Variants in SLC35D3 observed in about 807,000 individuals in gnomAD.
SLC35D3 encodes solute carrier family 35 member D3, also known as frc, fringe-like 1.
Under a neutral mutation model 20.3 loss-of-function variants are expected in SLC35D3, and 18 were observed. The ratio of observed to expected loss-of-function variants is 0.89; its 90% CI spans 0.61 to 1.32. The LOEUF (loss-of-function observed/expected upper bound fraction) is 1.32. SLC35D3 is among the 40% of genes most tolerant of loss of function. The pLI, the probability that SLC35D3 is intolerant of heterozygous loss-of-function variation, is 0.00. For missense variants in SLC35D3, 556 were observed against 565.5 expected, an observed-to-expected ratio of 0.98 and a Z score of 0.17; for synonymous variants, 313 against 263.5, an observed-to-expected ratio of 1.19 and a Z score of -1.82.
Position 136,922,311 on chromosome 6 carries a change from C to A in SLC35D3, c.-118C>A. 2.2e-6 allele frequency: 2 copies of A among 897,228 alleles called. No homozygotes were observed. The highest frequency in any genetic ancestry group is 2.8e-6 in the Non-Finnish European group (2 of 706,222). The allele number at this position is 897,228 out of a possible 1,614,324, so 55.6% of individuals were successfully genotyped here. ...TGCCCTCTGCAGCCGAGCCGGCGCC[C>A]CCTGCCCTTCGCCGCCGCGCTGGGC... is the stretch of plus-strand genomic sequence containing the variant. On this transcript the variant is annotated 5_prime_UTR_variant, in exon 1 of 2. Coordinates refer to ENST00000331858, the MANE Select transcript of SLC35D3 (RefSeq NM_001008783.3). This position sits in a 1 kb window ranked among gnomAD's most constrained non-coding sequence, Gnocchi z 6.8.
Position 136,924,738 on chromosome 6 carries a change from T to C in SLC35D3, c.*42T>C. 2 of 1,519,184 alleles carry C rather than the reference T, an allele frequency of 1.3e-6. No individual in the cohort carries two copies. Among genetic ancestry groups the C allele is most frequent in the Non-Finnish European group, 1.8e-6 (2 of 1,128,478 alleles). 94.1% of individuals were successfully genotyped at this position (1,519,184 alleles called of 1,614,324 possible). Reference sequence around the variant, plus strand: ...CGTACCTATGTGCATACACTTATTTTATATGTTAGAAATGACGTGTTTTAA... The same window carrying C: ...CGTACCTATGTGCATACACTTATTTCATATGTTAGAAATGACGTGTTTTAA... On this transcript the variant is annotated 3_prime_UTR_variant, in exon 2 of 2. Coordinates refer to ENST00000331858, the MANE Select transcript of SLC35D3 (RefSeq NM_001008783.3).
rs558466578 is a variant in SLC35D3, at chr6:136,924,839, G to C, written c.*143G>C. 34 of 808,826 alleles carry C rather than the reference G, an allele frequency of 4.2e-5. No individual in the cohort carries two copies. In the East Asian group the frequency reaches 8.8e-4, roughly 21 times the overall value. The allele number at this position is 808,826 out of a possible 1,614,324, so 50.1% of individuals were successfully genotyped here. ...AAAGAAGCTGAAAGGTACTGACACA[G>C]AGCAACAAAATTAGCACCTGTGTGA... On this transcript the variant is annotated 3_prime_UTR_variant, in exon 2 of 2. Transcript: ENST00000331858.
In SLC35D3 at chr6:136,925,203, A is replaced by G. The variant is rs1776117340; in HGVS notation, c.*507A>G. ...GATGTTTACTGTTTATAGTCATCTG[A>G]AATATCATATTTACTCTGATTCTAC... is the stretch of plus-strand genomic sequence containing the variant. On this transcript the variant is annotated 3_prime_UTR_variant, in exon 2 of 2. Transcript: ENST00000331858. The G allele has an allele frequency of 6.5e-6, 1 of 153,506 alleles. No individual in the cohort carries two copies. Among genetic ancestry groups the G allele is most frequent in the South Asian group, 2.1e-4 (1 of 4,876 alleles). 9.5% of individuals were successfully genotyped at this position (153,506 alleles called of 1,614,324 possible).
chr6:136,923,781 C>A lies in SLC35D3; in HGVS notation c.440-104C>A. 2 of 1,157,698 alleles carry A rather than the reference C, an allele frequency of 1.7e-6. No individual in the cohort carries two copies. Among genetic ancestry groups the A allele is most frequent in the South Asian group, 1.6e-5 (1 of 62,406 alleles). The allele number at this position is 1,157,698 out of a possible 1,614,324, so 71.7% of individuals were successfully genotyped here. On this transcript the variant is annotated intron_variant, in intron 1 of 1. Transcript: ENST00000331858. This position sits in a 1 kb window ranked among gnomAD's most constrained non-coding sequence, Gnocchi z 6.2. ...CTGGGGCGCGAACCCAGTCTCCTTT[C>A]CTACCCGACGCGTTTTCCCCGTGGG...
In SLC35D3 at chr6:136,924,412, G is replaced by A. The variant is rs1032795911; in HGVS notation, c.967G>A (p.Ala323Thr). Residue 323 changes from alanine (A) to threonine (T), a missense_variant, in exon 2 of 2, where the codon GCG becomes ACG. Coordinates refer to ENST00000331858, the MANE Select transcript of SLC35D3 (RefSeq NM_001008783.3). ...GGAGGCCCAGCCTCGGGGAGAGGAG[G>A]CGCAGCTAAGTGGAGACCAGCTGCC... Reference protein sequence around the residue: ...DLEAQPRGEEAQLSGDQLPFV... With the variant: ...DLEAQPRGEETQLSGDQLPFV... 2 of 1,613,888 alleles carry A rather than the reference G, an allele frequency of 1.2e-6. No individual in the cohort carries two copies. The highest frequency in any genetic ancestry group is 2.7e-5 in the African/African-American group (2 of 74,940).
rs986117011 is a variant in SLC35D3 at position 136,923,586 on chromosome 6, T to A, written c.440-299T>A. On this transcript the variant is annotated intron_variant, in intron 1 of 1. Coordinates refer to ENST00000331858, the MANE Select transcript of SLC35D3 (RefSeq NM_001008783.3). The surrounding 1 kb of genome is among the most constrained non-coding windows in gnomAD (Gnocchi z 6.2). ...GCCAGCTCGGGGAAGCCACAGCACC[T>A]GCCCCGAGGGCATCTGCGCTCTCCG... Among the ~76,000 whole-genome samples the A allele has an allele frequency of 6.0e-4, 92 of 152,192 alleles. No homozygotes were observed. The highest frequency in any genetic ancestry group is 1.9e-4 in the Non-Finnish European group (13 of 68,014).
rs1310806863 is a variant in SLC35D3 at position 136,923,992 on chromosome 6, G to A, written c.547G>A (p.Glu183Lys). Reference sequence around the variant, plus strand: ...CATCCAGAAGGCCAGCGCAGACACCGAGCACGGGCCGCTCACCGCGCAGTA... The same window carrying A: ...CATCCAGAAGGCCAGCGCAGACACCAAGCACGGGCCGCTCACCGCGCAGTA... ...VLIQKASADT[E>K]HGPLTAQYVI... Residue 183 changes from glutamate (E) to lysine (K), a missense_variant, in exon 2 of 2, where the codon GAG becomes AAG. Physicochemically the swap from Glu to Lys is moderately conservative, Grantham distance 56. Coordinates refer to ENST00000331858, the MANE Select transcript of SLC35D3 (RefSeq NM_001008783.3). This position sits in a 1 kb window ranked among gnomAD's most constrained non-coding sequence, Gnocchi z 6.2. 3 of 1,589,672 alleles carry A rather than the reference G, an allele frequency of 1.9e-6. No homozygotes were observed. Among genetic ancestry groups the A allele is most frequent in the Admixed American group, 1.7e-5 (1 of 58,334 alleles).
chr6:136,924,033 T>C lies in SLC35D3; in HGVS notation c.588T>C (p.Ser196=). ...CCGCGCAGTACGTCATCGCCGTCTC[T>C]GCCACCCCGCTGCTGGTCATCTGCT... ...PLTAQYVIAV[S]ATPLLVICSF... is the part of the protein sequence containing the mutation. The change falls in exon 2 of 2, where the codon TCT becomes TCC. Residue 196 remains serine (S), a synonymous_variant. Transcript: ENST00000331858. The C allele has an allele frequency of 6.2e-7, 1 of 1,605,786 alleles. No individual in the cohort carries two copies. Among genetic ancestry groups the C allele is most frequent in the East Asian group, 2.2e-5 (1 of 44,516 alleles).
Position 136,924,112 on chromosome 6 carries a change from C to A in SLC35D3, c.667C>A (p.Pro223Thr), listed in dbSNP as rs200328767. 1.2e-5 allele frequency: 19 copies of A among 1,612,608 alleles called. No individual in the cohort carries two copies. The highest frequency in any genetic ancestry group is 1.4e-5 in the Non-Finnish European group (17 of 1,179,986). ...CTGGACCTTCCCGGGCTGGAAGGAC[C>A]CGGCCATGGTCTGCATCTTCGTGGC... is the stretch of plus-strand genomic sequence containing the variant. ...HAWTFPGWKDPAMVCIFVACI... is the reference protein window; with the variant it reads ...HAWTFPGWKDTAMVCIFVACI... Residue 223 changes from proline (P) to threonine (T), a missense_variant, in exon 2 of 2, where the codon CCG becomes ACG. Coordinates refer to ENST00000331858, the MANE Select transcript of SLC35D3 (RefSeq NM_001008783.3).
At position 136,922,417 on chromosome 6, in the gene SLC35D3, G is replaced by C; in HGVS notation, c.-12G>C. On this transcript the variant is annotated 5_prime_UTR_variant, in exon 1 of 2. Coordinates refer to ENST00000331858, the MANE Select transcript of SLC35D3 (RefSeq NM_001008783.3). This position sits in a 1 kb window ranked among gnomAD's most constrained non-coding sequence, Gnocchi z 6.8. ...GAGCTCCGCCACCGCTGGGTGCGGC[G>C]AGGCCGGCGCGATGCGGCAGCTGTG... 6.6e-7 allele frequency: 1 copy of C among 1,515,136 alleles called. No individual in the cohort carries two copies. 93.9% of individuals were successfully genotyped at this position (1,515,136 alleles called of 1,614,324 possible).
Position 136,923,802 on chromosome 6 carries a change from G to T in SLC35D3, c.440-83G>T, listed in dbSNP as rs963680658. The T allele has an allele frequency of 1.5e-6, 2 of 1,348,428 alleles. No homozygotes were observed. The highest frequency in any genetic ancestry group is 2.5e-5 in the East Asian group (1 of 39,398). 83.5% of individuals were successfully genotyped at this position (1,348,428 alleles called of 1,614,324 possible). A position where few individuals can be genotyped will look rare whatever the true frequency, so the allele number is the denominator to read the frequency against. ...CTTTCCTACCCGACGCGTTTTCCCC[G>T]TGGGTCCCCGCCCACGCCAACCTGC... On this transcript the variant is annotated intron_variant, in intron 1 of 1. Transcript: ENST00000331858. The surrounding 1 kb of genome is among the most constrained non-coding windows in gnomAD (Gnocchi z 6.2).
At position 136,923,017 on chromosome 6, in the gene SLC35D3, A is replaced by G. The variant is rs1162820172; in HGVS notation, c.439+150A>G. The G allele has an allele frequency of 1.1e-6, 1 of 917,980 alleles. No homozygotes were observed. The highest frequency in any genetic ancestry group is 1.6e-6 in the Non-Finnish European group (1 of 634,292). 56.9% of individuals were successfully genotyped at this position (917,980 alleles called of 1,614,324 possible). On this transcript the variant is annotated intron_variant, in intron 1 of 1. Coordinates refer to ENST00000331858, the MANE Select transcript of SLC35D3 (RefSeq NM_001008783.3). This position sits in a 1 kb window ranked among gnomAD's most constrained non-coding sequence, Gnocchi z 6.2. ...CGGAGAGCTTTGAGAGTGGTCGCTC[A>G]GCTCGCAAAAGGGACTTCCGAGACC...
At position 136,923,692 on chromosome 6, in the gene SLC35D3, C is replaced by T. The variant is rs555235329; in HGVS notation, c.440-193C>T. On this transcript the variant is annotated intron_variant, in intron 1 of 1. Coordinates refer to ENST00000331858, the MANE Select transcript of SLC35D3 (RefSeq NM_001008783.3). This position sits in a 1 kb window ranked among gnomAD's most constrained non-coding sequence, Gnocchi z 6.2. Reference sequence around the variant, plus strand: ...CGCTCTGAGCACTGAGTTTGGCTGTCGCATTTGACACGGGTGGCCGAGGGA... The same window carrying T: ...CGCTCTGAGCACTGAGTTTGGCTGTTGCATTTGACACGGGTGGCCGAGGGA... Among the ~76,000 whole-genome samples, 1 of 152,172 alleles carries T rather than the reference C, an allele frequency of 6.6e-6. No homozygotes were observed. The highest frequency in any genetic ancestry group is 1.5e-5 in the Non-Finnish European group (1 of 68,008).
At position 136,924,319 on chromosome 6, in the gene SLC35D3, C is replaced by A; in HGVS notation, c.874C>A (p.Leu292Met). Residue 292 changes from leucine to methionine, a missense_variant, in exon 2 of 2, where the codon CTG becomes ATG. Physicochemically the swap from Leu to Met is conservative, Grantham distance 15. Coordinates refer to ENST00000331858, the MANE Select transcript of SLC35D3 (RefSeq NM_001008783.3). ...LFIAGVVVNT[L>M]GSIIYCVAKF... ...CATTGCCGGCGTGGTGGTGAACACC[C>A]TGGGCTCTATCATTTACTGTGTGGC... The A allele has an allele frequency of 6.2e-7, 1 of 1,614,164 alleles. No homozygotes were observed. Among genetic ancestry groups the A allele is most frequent in the Non-Finnish European group, 8.5e-7 (1 of 1,180,046 alleles).
At position 136,922,925 on chromosome 6, in the gene SLC35D3, A is replaced by T; in HGVS notation, c.439+58A>T. Reference sequence around the variant, plus strand: ...CCCCACCCACCCCGCTCCGTCGGGCAGAGACCGCGGGGATCACTGAGTTCA... The same window carrying T: ...CCCCACCCACCCCGCTCCGTCGGGCTGAGACCGCGGGGATCACTGAGTTCA... On this transcript the variant is annotated intron_variant, in intron 1 of 1. Coordinates refer to ENST00000331858, the MANE Select transcript of SLC35D3 (RefSeq NM_001008783.3). This position sits in a 1 kb window ranked among gnomAD's most constrained non-coding sequence, Gnocchi z 6.8. The T allele has an allele frequency of 6.9e-7, 1 of 1,445,930 alleles. No individual in the cohort carries two copies. Among genetic ancestry groups the T allele is most frequent in the African/African-American group, 1.4e-5 (1 of 69,106 alleles). 89.6% of individuals were successfully genotyped at this position (1,445,930 alleles called of 1,614,324 possible).
At position 136,924,125 on chromosome 6, in the gene SLC35D3, G is replaced by A; in HGVS notation, c.680G>A (p.Cys227Tyr). ...GGCTGGAAGGACCCGGCCATGGTCT[G>A]CATCTTCGTGGCCTGCATCCTGATC... ...FPGWKDPAMV[C>Y]IFVACILIGC... Residue 227 changes from cysteine (C) to tyrosine (Y), a missense_variant, in exon 2 of 2, where the codon TGC becomes TAC. Transcript: ENST00000331858. The A allele has an allele frequency of 6.2e-7, 1 of 1,612,666 alleles. No individual in the cohort carries two copies. The highest frequency in any genetic ancestry group is 8.5e-7 in the Non-Finnish European group (1 of 1,180,014).
Position 136,922,316 on chromosome 6 carries a change from C to A in SLC35D3, c.-113C>A. On this transcript the variant is annotated 5_prime_UTR_variant, in exon 1 of 2. Coordinates refer to ENST00000331858, the MANE Select transcript of SLC35D3 (RefSeq NM_001008783.3). The surrounding 1 kb of genome is among the most constrained non-coding windows in gnomAD (Gnocchi z 6.8). The stretch of plus-strand genomic sequence containing the variant: ...TCTGCAGCCGAGCCGGCGCCCCCTG[C>A]CCTTCGCCGCCGCGCTGGGCGGGCG... 6.3e-6 allele frequency: 6 copies of A among 947,434 alleles called. No individual in the cohort carries two copies. Among genetic ancestry groups the A allele is most frequent in the South Asian group, 5.2e-5 (1 of 19,376 alleles). The allele number at this position is 947,434 out of a possible 1,614,324, so 58.7% of individuals were successfully genotyped here. A position where few individuals can be genotyped will look rare whatever the true frequency, so the allele number is the denominator to read the frequency against.
At position 136,923,722 on chromosome 6, in the gene SLC35D3, G is replaced by A. The variant is rs189273212; in HGVS notation, c.440-163G>A. Among the ~76,000 whole-genome samples, 115 of 152,306 alleles carry A rather than the reference G, an allele frequency of 7.6e-4. No homozygotes were observed. The highest frequency in any genetic ancestry group is 4.1e-3 in the East Asian group (21 of 5,168). On this transcript the variant is annotated intron_variant, in intron 1 of 1. Coordinates refer to ENST00000331858, the MANE Select transcript of SLC35D3 (RefSeq NM_001008783.3). The surrounding 1 kb of genome is among the most constrained non-coding windows in gnomAD (Gnocchi z 6.2). Reference sequence around the variant, plus strand: ...TTGACACGGGTGGCCGAGGGACGGCGGGCGTCTGTCACTCAGGAATCCGGT... The same window carrying A: ...TTGACACGGGTGGCCGAGGGACGGCAGGCGTCTGTCACTCAGGAATCCGGT...
Position 136,922,645 on chromosome 6 carries a change from A to G in SLC35D3, c.217A>G (p.Ser73Gly). The G allele has an allele frequency of 6.2e-7, 1 of 1,609,024 alleles. No homozygotes were observed. The highest frequency in any genetic ancestry group is 8.5e-7 in the Non-Finnish European group (1 of 1,179,284). The change falls in exon 1 of 2, where the codon AGC becomes GGC. Residue 73 changes from serine to glycine, a missense_variant. Physicochemically the swap from Ser to Gly is moderately conservative, Grantham distance 56. Transcript: ENST00000331858. This position sits in a 1 kb window ranked among gnomAD's most constrained non-coding sequence, Gnocchi z 6.8. The stretch of plus-strand genomic sequence containing the variant: ...CATCGCCGTGCCCCCCTTCGGTCTG[A>G]GCCTGGCGCGCTCCTTCGCGGGGGT... ...GLIAVPPFGL[S>G]LARSFAGVAV...
Sources: allele counts gnomAD v4.1 joint callset (sites outside exome capture counted in the v4.1 genomes callset), GRCh38; gene constraint gnomAD v4.1.1; non-coding constraint Gnocchi (gnomAD v3.1); transcripts MANE v1.5; gene names NCBI Gene and HGNC (gene_info 2026-07-23, HGNC 2026-07-21).